Variants in ANK3 observed in about 807,000 individuals in gnomAD.
ANK3 encodes the protein ankyrin 3, also known as ankyrin-3.
Under a neutral mutation model 370.9 loss-of-function variants are expected in ANK3, and 57 were observed. That is an observed-to-expected ratio of 0.15 (90% CI 0.12 to 0.19). The LOEUF (loss-of-function observed/expected upper bound fraction) is 0.19, where lower values mean the gene tolerates loss of function less well. Among genes scored for constraint, ANK3 ranks in the 10% least tolerant of loss-of-function variants. ANK3 has a pLI of 1.00. For missense variants in ANK3, 4,439 were observed against 5,302.1 expected (o/e 0.84, Z 5.06); for synonymous variants, 1,929 against 1,946.3 (o/e 0.99, Z 0.23).
chr10:60,314,689 T>C (rs1309598721), intron 1 of ANK3, among the ~76,000 whole-genome samples: 1 of 152,152 alleles, frequency 6.6e-6, no homozygotes, highest in African/African-American at 2.4e-5. Flanking sequence ...GTGTAGACCC[T>C]GATGAGTGAA....
At chr10:60,044,622 A>G (rs908241734) in intron 42 of ANK3, 2 of 152,364 alleles carry the variant, frequency 1.3e-5, no homozygotes. Flanking sequence ...GCAGTTACAC[A>G]CTGTAAACCG....
chr10:60,493,955 A>G (rs1033546958), intron 2 of ANK3, among the ~76,000 whole-genome samples: 2 of 152,188 alleles, frequency 1.3e-5, no homozygotes, highest in Non-Finnish European at 2.9e-5. Flanking sequence ...TGATCAGAAC[A>G]TATTAATCAT....
chr10:60,394,759 G>A (rs2063181968), upstream of ANK3, among the ~76,000 whole-genome samples: 1 of 152,158 alleles, frequency 6.6e-6, no homozygotes, highest in Non-Finnish European at 1.5e-5. Flanking sequence ...GAGAGGAGTG[G>A]GAGGAAGATG....
intron 28 of ANK3, among the ~76,000 whole-genome samples, chr10:60,090,880 A>T (rs1290994002): frequency 2.6e-5 from 4 of 152,040 alleles, no homozygotes; most frequent in Non-Finnish European, 5.9e-5. Flanking sequence ...TTGAAAATGC[A>T]CCTACCCTGG....
intron 2 of ANK3, among the ~76,000 whole-genome samples, chr10:60,521,955 GGGATGGAGGGGAGACTA>G (rs1363966295): frequency 6.6e-6 from 1 of 152,096 alleles, no homozygotes; most frequent in Non-Finnish European, 1.5e-5. Context: ...TAAGCATGGA[GGGATGGAGGGGAGACTA>G]GGTAGCATTG....
intron 1 of ANK3, among the ~76,000 whole-genome samples, chr10:60,668,581 G>A (rs1439088329): frequency 6.6e-6 from 1 of 152,194 alleles, no homozygotes. Flanking sequence ...TAGAAGAAAT[G>A]CAGAGAGAAC....
In ANK3 at chr10:60,074,246, A is replaced by G; in HGVS notation, c.6635T>C (p.Ile2212Thr). Residue 2212 changes from isoleucine (I) to threonine (T), a missense_variant, in exon 37 of 44, where the codon ATT (isoleucine) becomes ACT (threonine). Around this residue, in one of 13 missense-constraint regions of ANK3, gnomAD observed 1,601 missense variants for 1,731.7 expected, o/e 0.92. Coordinates refer to ENST00000280772, the MANE Select transcript of ANK3 (RefSeq NM_020987.5). ...ELEPKPTTSS[I>T]KEKVKAFQMK... The stretch of plus-strand genomic sequence containing the variant: ...TTGAAATGCTTTAACCTTTTCTTTA[A>G]TACTAGAGGTGGTGGGCTTTGGTTC... The G allele has an allele frequency of 6.2e-7, 1 of 1,614,034 alleles. No individual in the cohort carries two copies. Among genetic ancestry groups the G allele is most frequent in the Non-Finnish European group, 8.5e-7 (1 of 1,179,986 alleles).
rs1360130885 is a variant in ANK3 at position 60,640,623 on chromosome 10, T to C, written c.58-25399A>G. On this transcript the variant is annotated intron_variant, in intron 1 of 43. Coordinates refer to the ANK3 transcript ENST00000373827. The stretch of plus-strand genomic sequence containing the variant: ...CTAAAAACTCTCAATAAATTAGGTA[T>C]TGATGGGACGTATCTTAAAATAATA... 2.5e-5 allele frequency among the ~76,000 whole-genome samples: 2 copies of C among 78,536 alleles called. 1 individual carries two copies. The highest frequency in any genetic ancestry group is 5.8e-5 in the Non-Finnish European group (2 of 34,702). The allele number at this position is 78,536 out of a possible 152,430, so 51.5% of individuals were successfully genotyped here.
chr10:60,300,241 TA>T, intron 1 of ANK3: 1 of 889,022 alleles, frequency 1.1e-6, no homozygotes, highest in Non-Finnish European at 1.6e-6. Flanking sequence ...AAACATTTTT[TA>T]AAAGGCACAA....
intron 1 of ANK3, among the ~76,000 whole-genome samples, chr10:60,691,810 GT>G (rs1247958436): frequency 3.9e-5 from 6 of 152,120 alleles, no homozygotes; most frequent in Non-Finnish European, 1.5e-5. Context: ...CTGAGCTGAG[GT>G]TTTTTAAATT....
intron 2 of ANK3, among the ~76,000 whole-genome samples, chr10:60,571,152 A>G (rs1251328448): frequency 6.6e-6 from 1 of 151,416 alleles, no homozygotes; most frequent in Non-Finnish European, 1.5e-5. Flanking sequence ...GGGAAATCAG[A>G]CTAACACCTT....
At chr10:60,638,701 TA>T (rs2078589108) in intron 1 of ANK3, among the ~76,000 whole-genome samples, 1 of 152,080 alleles carries the variant, frequency 6.6e-6, no homozygotes, top group Admixed American at 6.6e-5. Flanking sequence ...AACACCCAGA[TA>T]AAATTTCTAG....
At chr10:60,716,801 C>T (rs2079797308) in intron 1 of ANK3, among the ~76,000 whole-genome samples, 1 of 152,144 alleles carries the variant, frequency 6.6e-6, no homozygotes, top group Non-Finnish European at 1.5e-5. Flanking sequence ...CAGGCATGAA[C>T]CACTGTGCCC....
chr10:60,389,382 A>G lies in ANK3; in HGVS notation c.114+43T>C, dbSNP rs751139768. 4.4e-6 allele frequency: 7 copies of G among 1,586,410 alleles called. No individual in the cohort carries two copies. The Admixed American group carries it at 6.9e-5, about 16-fold the overall frequency. On this transcript the variant is annotated intron_variant, in intron 1 of 43. Transcript: ENST00000280772. The stretch of plus-strand genomic sequence containing the variant: ...CAGATGCCAGAGGGAGATTAAAACA[A>G]AAAGAATCCAGGCAAGATATATGCT...
intron 12 of ANK3, among the ~76,000 whole-genome samples, chr10:60,201,630 C>G (rs2096675219): frequency 1.3e-5 from 2 of 151,668 alleles, no homozygotes; most frequent in Admixed American, 1.3e-4. Flanking sequence ...AATCTATGAA[C>G]ACAGAATTCC....
chr10:60,176,713 C>T (rs1244674109), intron 18 of ANK3, among the ~76,000 whole-genome samples: 2 of 152,106 alleles, frequency 1.3e-5, no homozygotes, highest in Non-Finnish European at 2.9e-5. Flanking sequence ...GAGCCAAGAT[C>T]ACACAACTGC....
At chr10:60,301,123 G>GATAT (rs34302629) in intron 1 of ANK3, among the ~76,000 whole-genome samples, 2,054 of 135,110 alleles carry the variant, frequency 0.015, 29 homozygotes, top group African/African-American at 0.034. Context: ...GAATACTTCC[G>GATAT]ATATATATAT....
chr10:60,644,448 C>T (rs1202858756), intron 1 of ANK3, among the ~76,000 whole-genome samples: 3 of 152,154 alleles, frequency 2.0e-5, no homozygotes, highest in African/African-American at 7.2e-5. Context: ...TAAGTAAATA[C>T]ATTCATCACT....
chr10:60,690,261 G>A (rs769576433), intron 1 of ANK3, among the ~76,000 whole-genome samples: 1 of 152,086 alleles, frequency 6.6e-6, no homozygotes, highest in East Asian at 1.9e-4. Flanking sequence ...CAAGGAGGGC[G>A]AGCTGAAGCA....
Sources: allele counts gnomAD v4.1 joint callset (sites outside exome capture counted in the v4.1 genomes callset), GRCh38; gene constraint gnomAD v4.1.1; regional missense constraint gnomAD v4.1.1; transcripts MANE v1.5; gene names NCBI Gene and HGNC (gene_info 2026-07-23, HGNC 2026-07-21).